Variants in TENM2 observed in about 807,000 individuals in gnomAD.
TENM2 encodes the protein teneurin-2.
A neutral mutation model predicts 245.2 loss-of-function variants in TENM2; 52 were observed. The observed-to-expected ratio is 0.21, with a 90% confidence interval of 0.17 to 0.27. TENM2 has a LOEUF of 0.27. TENM2 is among the 10% of genes least tolerant of loss of function. The pLI, the probability that TENM2 is intolerant of heterozygous loss-of-function variation, is 1.00. For missense variants in TENM2, 3,046 were observed against 3,666.8 expected (o/e 0.83, Z 4.37); for synonymous variants, 1,363 against 1,438.9 (o/e 0.95, Z 1.19).
At chr5:167,481,716 G>A (rs1185282118) in intron 2 of TENM2, among the ~76,000 whole-genome samples, 1 of 152,124 alleles carries the variant, frequency 6.6e-6, no homozygotes, top group Non-Finnish European at 1.5e-5. Context: ...AATAAATGCC[G>A]GTGATAGTAA....
chr5:167,062,753 G>T, the TENM2 span, among the ~76,000 whole-genome samples: 1,715 of 152,274 alleles, frequency 0.011, 11 homozygotes, highest in Admixed American at 0.017. Flanking sequence ...TAAGTGAGAT[G>T]AAGAAAATAT....
rs200277853 is a variant in TENM2, at chr5:167,664,447, G to A, written c.503-211539G>A. 2.0e-5 allele frequency among the ~76,000 whole-genome samples: 3 copies of A among 152,272 alleles called. No individual in the cohort carries two copies. The East Asian group carries it at 5.8e-4, about 29-fold the overall frequency. ...TTGTTAATGAGGAAAGTGAGGCTCA[G>A]AGTTCAACTTGCTGGGAGTCACACT... On this transcript the variant is annotated intron_variant, in intron 2 of 28. Coordinates refer to ENST00000518659, the Ensembl canonical transcript of TENM2.
intron 2 of TENM2, among the ~76,000 whole-genome samples, chr5:167,437,265 A>G (rs1381694758): frequency 6.6e-6 from 1 of 152,162 alleles, no homozygotes; most frequent in Non-Finnish European, 1.5e-5. Context: ...GAATCAAAGG[A>G]GATCATTTTG....
rs544910371 is a variant in TENM2, at chr5:167,871,313, C to A, written c.503-4673C>A. Among the ~76,000 whole-genome samples, 12 of 152,216 alleles carry A rather than the reference C, an allele frequency of 7.9e-5. No individual in the cohort carries two copies. The East Asian group carries it at 1.9e-3, about 25-fold the overall frequency. ...TAATTGATTATGTCACTGTTTCCTG[C>A]CAAATCCAGGGCTTCCTCACAGTCC... On this transcript the variant is annotated intron_variant, in intron 2 of 28. Transcript: ENST00000518659.
At chr5:166,997,054 A>G in the TENM2 span, among the ~76,000 whole-genome samples, 2 of 152,204 alleles carry the variant, frequency 1.3e-5, no homozygotes, top group African/African-American at 2.4e-5. Flanking sequence ...TGGAAAAGGG[A>G]AACCAGATTC....
At chr5:167,896,464 A>T (rs1583305447) in intron 3 of TENM2, among the ~76,000 whole-genome samples, 2 of 152,218 alleles carry the variant, frequency 1.3e-5, no homozygotes, top group Non-Finnish European at 2.9e-5. Context: ...CATGGTTGAG[A>T]CATGTGGCTT....
chr5:167,609,515 A>AAG lies in TENM2; in HGVS notation c.502+234043_502+234044insGA, dbSNP rs1777317637. ...AAAAAAAAAAAAAAAAAAAAAAACA[A>AAG]AACCTTACCTAGAAGGTTTTTTAGA... is the stretch of plus-strand genomic sequence containing the variant. On this transcript the variant is annotated intron_variant, in intron 2 of 28. Transcript: ENST00000518659. Among the ~76,000 whole-genome samples, 19 of 87,820 alleles carry AAG rather than the reference A, an allele frequency of 2.2e-4. 1 individual carries two copies. Among genetic ancestry groups the AAG allele is most frequent in the African/African-American group, 5.8e-4 (18 of 30,858 alleles). The allele number at this position is 87,820 out of a possible 152,430, so 57.6% of individuals were successfully genotyped here. A position where few individuals can be genotyped will look rare whatever the true frequency, so the allele number is the denominator to read the frequency against.
intron 5 of TENM2, among the ~76,000 whole-genome samples, chr5:168,000,638 G>A (rs1393323717): frequency 6.6e-6 from 1 of 152,114 alleles, no homozygotes; most frequent in Non-Finnish European, 1.5e-5. Flanking sequence ...TCCCTAAGAG[G>A]GAAAGAGGTT....
chr5:167,464,869 C>G (rs1766542862), intron 2 of TENM2, among the ~76,000 whole-genome samples: 1 of 152,178 alleles, frequency 6.6e-6, no homozygotes, highest in African/African-American at 2.4e-5. Flanking sequence ...AAGCACTTCA[C>G]TATGCATTTG....
At chr5:167,882,426 T>A (rs1773954278) in intron 3 of TENM2, among the ~76,000 whole-genome samples, 1 of 152,210 alleles carries the variant, frequency 6.6e-6, no homozygotes, top group South Asian at 2.1e-4. Context: ...TTCTTCACAC[T>A]GCTCCTGATT....
chr5:167,746,247 C>T (rs1291964236), intron 2 of TENM2, among the ~76,000 whole-genome samples: 4 of 152,164 alleles, frequency 2.6e-5, no homozygotes, highest in Non-Finnish European at 1.5e-5. Context: ...CAATGGCTCA[C>T]CCTACAGCCA....
rs376455865 is a variant in TENM2, at chr5:168,247,473, A to G, written c.6534A>G (p.Gln2178=). Residue 2178 remains glutamine, a synonymous_variant, in exon 27 of 29, where the codon CAA becomes CAG. Transcript: ENST00000518659. This position sits in a 1 kb window ranked among gnomAD's most constrained non-coding sequence, Gnocchi z 7.8. ...CCCTCATGTACTGGATGACGGTGCA[A>G]TATGACAGCATGGGCAGGGTGATCA... 7.4e-6 allele frequency: 12 copies of G among 1,612,598 alleles called. No individual in the cohort carries two copies. In the African/African-American group the frequency reaches 1.6e-4, roughly 21 times the overall value.
intron 14 of TENM2, chr5:168,190,937 A>C (rs1562263355): frequency 4.3e-5 from 7 of 162,726 alleles, no homozygotes; most frequent in Non-Finnish European, 6.7e-5. Context: ...GTGTTTTTGA[A>C]AGCTGTTATT....
intron 2 of TENM2, among the ~76,000 whole-genome samples, chr5:167,680,818 GT>G (rs893833946): frequency 1.3e-5 from 2 of 152,170 alleles, no homozygotes; most frequent in Admixed American, 1.3e-4. Context: ...GTGTAACTGA[GT>G]TTTTTATAGG....
At chr5:167,067,857 C>T in the TENM2 span, among the ~76,000 whole-genome samples, 1 of 152,152 alleles carries the variant, frequency 6.6e-6, no homozygotes, top group South Asian at 2.1e-4. Context: ...TAAGATCCAA[C>T]TTGGCTAGCT....
At chr5:167,699,941 A>G (rs1200199519) in intron 2 of TENM2, among the ~76,000 whole-genome samples, 1 of 152,214 alleles carries the variant, frequency 6.6e-6, no homozygotes, top group Admixed American at 6.5e-5. Flanking sequence ...AGAAATGGAG[A>G]GAGCTGGACT....
At chr5:167,606,826 C>T (rs184476858) in intron 2 of TENM2, among the ~76,000 whole-genome samples, 2 of 152,272 alleles carry the variant, frequency 1.3e-5, no homozygotes, top group East Asian at 3.9e-4. Flanking sequence ...CATGAGATTA[C>T]AGATATCAAA....
chr5:168,090,085 T>C (rs1180164823), intron 7 of TENM2, among the ~76,000 whole-genome samples: 1 of 152,120 alleles, frequency 6.6e-6, no homozygotes, highest in Non-Finnish European at 1.5e-5. Flanking sequence ...ATTCCTTATC[T>C]GAAACTCTCA....
At chr5:167,274,227 A>C in the TENM2 span, among the ~76,000 whole-genome samples, 6 of 152,116 alleles carry the variant, frequency 3.9e-5, no homozygotes, top group East Asian at 1.9e-4. Flanking sequence ...TGATTTCCAG[A>C]ATGTTATGTA....
Sources: gnomAD v4.1 joint callset for allele counts (sites outside exome capture counted in the v4.1 genomes callset) on GRCh38, gnomAD v4.1.1 for gene constraint, Gnocchi (gnomAD v3.1) non-coding constraint, MANE v1.5 for transcripts, NCBI Gene and HGNC (gene_info 2026-07-23, HGNC 2026-07-21) for gene names.